The following C10orf88 variants were observed in gnomAD, a reference collection of about 807,000 sequenced individuals.
C10orf88 encodes the protein ATPase PAAT.
Under a neutral mutation model 34.2 loss-of-function variants are expected in C10orf88, and 29 were observed. The observed-to-expected ratio is 0.85, with a 90% CI of 0.63 to 1.16. The LOEUF is 1.16. C10orf88 is among the 50% of genes most tolerant of loss of function. The pLI, the probability that C10orf88 is intolerant of heterozygous loss-of-function variation, is 0.00. For missense variants in C10orf88, 507 were observed against 533.2 expected (o/e 0.95, Z 0.48); for synonymous variants, 194 against 197.4 (o/e 0.98, Z 0.15).
chr10:122,951,974 T>C lies in C10orf88; in HGVS notation c.421A>G (p.Thr141Ala). 1 of 1,547,494 alleles carries C rather than the reference T, an allele frequency of 6.5e-7. No individual in the cohort carries two copies. The highest frequency in any genetic ancestry group is 8.9e-7 in the Non-Finnish European group (1 of 1,128,026). The change falls in exon 3 of 6, where the codon ACA (threonine) becomes GCA (alanine). Residue 141 changes from threonine (T) to alanine (A), a missense_variant. Transcript: ENST00000481909. ...YKKNLKLESS[T>A]HACKIKLLSF... ...CTTACCTTTATTTTACAAGCATGTGTGGAGGACTCCAATTTTAGATTTTTT... is the reference window on the plus strand; with the variant it reads ...CTTACCTTTATTTTACAAGCATGTGCGGAGGACTCCAATTTTAGATTTTTT...
In C10orf88 at chr10:122,937,773, G is replaced by C; in HGVS notation, c.1035C>G (p.Leu345=). The stretch of plus-strand genomic sequence containing the variant: ...GACACTCGGTCTTATTTCCCACATG[G>C]AGATGATTAACTTGACTACATAAAT... ...LQNLCSQVNH[L]HVGNKTECQE... The change falls in exon 5 of 6, where the codon CTC becomes CTG. Residue 345 remains leucine (L), a synonymous_variant. Transcript: ENST00000481909. 6.2e-7 allele frequency: 1 copy of C among 1,613,048 alleles called. No homozygotes were observed. The highest frequency in any genetic ancestry group is 8.5e-7 in the Non-Finnish European group (1 of 1,179,322).
At chr10:122,949,102 G>T (rs1366335977) in intron 3 of C10orf88, among the ~76,000 whole-genome samples, 1 of 152,036 alleles carries the variant, frequency 6.6e-6, no homozygotes, top group Non-Finnish European at 1.5e-5. Context: ...TAACAAATGA[G>T]GTGATTAAAT....
Position 122,937,814 on chromosome 10 carries a change from G to A in C10orf88, c.994C>T (p.Leu332=). 3 of 1,613,118 alleles carry A rather than the reference G, an allele frequency of 1.9e-6. No individual in the cohort carries two copies. In the South Asian group the frequency reaches 3.3e-5, roughly 18 times the overall value. ...CTACATAAATTCTGGAGAAAAGGCA[G>A]CAACTCGGAGTTGGGTATATTTGAG... ...DNSNIPNSEL[L]PFLQNLCSQV... Residue 332 remains leucine (L), a synonymous_variant, in exon 5 of 6, where the codon CTG becomes TTG. Coordinates refer to ENST00000481909, the MANE Select transcript of C10orf88 (RefSeq NM_024942.4).
chr10:122,943,830 A>G, intron 4 of C10orf88, among the ~76,000 whole-genome samples: 1 of 152,244 alleles, frequency 6.6e-6, no homozygotes, highest in African/African-American at 2.4e-5. Context: ...ATGAGATACC[A>G]TTTCACACCA....
At chr10:122,943,727 C>T (rs1221637424) in intron 4 of C10orf88, among the ~76,000 whole-genome samples, 1 of 151,952 alleles carries the variant, frequency 6.6e-6, no homozygotes, top group Non-Finnish European at 1.5e-5. Context: ...CATGAACAGA[C>T]ACTTCTCAAA....
At position 122,954,195 on chromosome 10, in the gene C10orf88, A is replaced by G; in HGVS notation, c.-17T>C. On this transcript the variant is annotated 5_prime_UTR_variant, in exon 1 of 6. Coordinates refer to ENST00000481909, the MANE Select transcript of C10orf88 (RefSeq NM_024942.4). ...CGTCTCCATTCCGCCGCCTTCAGTC[A>G]GGCCAGCCCAGCCCCGGAACCTCTC... 1 of 1,536,580 alleles carries G rather than the reference A, an allele frequency of 6.5e-7. No homozygotes were observed. The highest frequency in any genetic ancestry group is 8.7e-7 in the Non-Finnish European group (1 of 1,150,828).
chr10:122,934,917 G>C (rs527703035), intron 5 of C10orf88, among the ~76,000 whole-genome samples: 90 of 152,034 alleles, frequency 5.9e-4, no homozygotes, highest in Non-Finnish European at 1.2e-3. Context: ...AGTCAATGTT[G>C]ATCAACTTTC....
At chr10:122,952,699 A>T in intron 2 of C10orf88, 130 bp downstream of exon 2, 1 of 1,088,460 alleles carries the variant, frequency 9.2e-7, no homozygotes. Context: ...TTCTATGCCT[A>T]CTGGCACATT....
At chr10:122,948,978 T>A in intron 3 of C10orf88, 123 bp from the exon 4 acceptor site, 1 of 861,036 alleles carries the variant, frequency 1.2e-6, no homozygotes, top group Non-Finnish European at 1.7e-6. Context: ...ACTTCAAGTA[T>A]ATTTTAAACT....
chr10:122,951,210 C>G (rs182093560), intron 3 of C10orf88, among the ~76,000 whole-genome samples: 2 of 152,302 alleles, frequency 1.3e-5, no homozygotes, highest in Admixed American at 1.3e-4. Flanking sequence ...GGTTCTCTTG[C>G]TTGAAACTTC....
chr10:122,940,764 G>A (rs1309903073), intron 4 of C10orf88, among the ~76,000 whole-genome samples: 1 of 151,842 alleles, frequency 6.6e-6, no homozygotes, highest in African/African-American at 2.4e-5. Flanking sequence ...AAATTTTGAA[G>A]AAACTTAAAT....
At chr10:122,935,685 T>C (rs1225567667) in intron 5 of C10orf88, among the ~76,000 whole-genome samples, 1 of 151,900 alleles carries the variant, frequency 6.6e-6, no homozygotes, top group African/African-American at 2.4e-5. Flanking sequence ...TTCATAGGAA[T>C]TACATTAAAT....
intron 5 of C10orf88, among the ~76,000 whole-genome samples, chr10:122,934,789 G>T (rs1054311586): frequency 6.6e-6 from 1 of 152,104 alleles, no homozygotes; most frequent in African/African-American, 2.4e-5. Context: ...ATGTATGAGA[G>T]ATCCAGTTCC....
intron 1 of C10orf88, 80 bp downstream of exon 1, chr10:122,953,935 C>T: frequency 7.2e-7 from 1 of 1,389,280 alleles, no homozygotes; most frequent in East Asian, 3.0e-5. Flanking sequence ...GGCTCAGACC[C>T]TCTCGCCTCC....
At chr10:122,946,757 T>C (rs1445478492) in intron 4 of C10orf88, among the ~76,000 whole-genome samples, 1 of 152,122 alleles carries the variant, frequency 6.6e-6, no homozygotes, top group East Asian at 1.9e-4. Context: ...ATTAAAGATG[T>C]AACATTAAAA....
chr10:122,954,019 G>C lies in C10orf88; in HGVS notation c.160C>G (p.Pro54Ala). The C allele has an allele frequency of 1.3e-6, 2 of 1,523,292 alleles. No individual in the cohort carries two copies. The highest frequency in any genetic ancestry group is 1.8e-6 in the Non-Finnish European group (2 of 1,139,140). 94.4% of individuals were successfully genotyped at this position (1,523,292 alleles called of 1,614,324 possible). Residue 54 changes from proline (P) to alanine (A), a missense_variant, in exon 1 of 6, where the codon CCA (proline) becomes GCA (alanine). Pro to Ala is a conservative substitution (Grantham distance 27, BLOSUM62 -1). Coordinates refer to ENST00000481909, the MANE Select transcript of C10orf88 (RefSeq NM_024942.4). ...DWEELLAPPAPGQDLVILKRN... is the reference protein window; with the variant it reads ...DWEELLAPPAAGQDLVILKRN... ...GTCCCCGTCGGCCCGGCGCACCCTG[G>C]AGCAGGCGGTGCCAGCAGCTCCTCC...
At position 122,942,697 on chromosome 10, in the gene C10orf88, TA is replaced by T. The variant is rs1158233912; in HGVS notation, c.649-4539del. ...AAAGTCTCAGGATACAAAATCAATG[TA>T]CAAAAATCACAAGCATTCTTATACA... On this transcript the variant is annotated intron_variant, in intron 4 of 5. Coordinates refer to ENST00000481909, the MANE Select transcript of C10orf88 (RefSeq NM_024942.4). Among the ~76,000 whole-genome samples, 4 of 151,118 alleles carry T rather than the reference TA, an allele frequency of 2.6e-5. No homozygotes were observed. In the East Asian group the frequency reaches 7.8e-4, roughly 29 times the overall value.
At chr10:122,948,590 TA>T in intron 4 of C10orf88, 58 bp downstream of exon 4, 1 of 1,507,300 alleles carries the variant, frequency 6.6e-7, no homozygotes, top group Non-Finnish European at 9.1e-7. Flanking sequence ...ATTTCTTTAC[TA>T]AAAGCAATGG....
intron 4 of C10orf88, 88 bp downstream of exon 4, chr10:122,948,561 A>G: frequency 7.8e-7 from 1 of 1,273,900 alleles, no homozygotes; most frequent in African/African-American, 1.5e-5. Context: ...AGTATGAAAG[A>G]AAAATTTTAA....
Sources: gnomAD v4.1 joint callset for allele counts (sites outside exome capture counted in the v4.1 genomes callset) on GRCh38, gnomAD v4.1.1 for gene constraint, MANE v1.5 for transcripts, NCBI Gene and HGNC (gene_info 2026-07-23, HGNC 2026-07-21) for gene names.